The following OR8J3 variants were observed in gnomAD, a reference collection of about 807,000 sequenced individuals.
OR8J3 encodes the protein olfactory receptor 8J3.
For missense variants in OR8J3, 418 were observed against 379.8 expected (o/e 1.10, Z -0.84); for synonymous variants, 170 against 142.6 (o/e 1.19, Z -1.37).
Position 56,136,930 on chromosome 11 carries a change from T to C in OR8J3, c.789A>G (p.Gln263=), listed in dbSNP as rs1404216853. ...GTMLFMYLQP[Q]TNHSLDTDKM... ...TATCAGTATCCAGTGAGTGGTTGGT[T>C]TGGGGCTGCAAATACATAAATAGCA... The change falls in exon 2 of 2, where the codon CAA becomes CAG. Residue 263 remains glutamine, a synonymous_variant. Coordinates refer to ENST00000642058, the MANE Select transcript of OR8J3 (RefSeq NM_001004064.2). 87 of 1,613,990 alleles carry C rather than the reference T, an allele frequency of 5.4e-5. No individual in the cohort carries two copies. The highest frequency in any genetic ancestry group is 7.3e-5 in the Non-Finnish European group (86 of 1,180,008).
Position 56,137,080 on chromosome 11 carries a change from T to C in OR8J3, c.639A>G (p.Thr213=). ...CAATATTGAAATAAGATACTAGAAC[T>C]GTAATCATGGAAAAAACCAAATTTG... The part of the protein sequence containing the change: ...AATNLVFSMI[T]VLVSYFNIVL... Residue 213 remains threonine, a synonymous_variant, in exon 2 of 2, where the codon ACA becomes ACG. Coordinates refer to ENST00000642058, the MANE Select transcript of OR8J3 (RefSeq NM_001004064.2). The C allele has an allele frequency of 1.2e-6, 2 of 1,613,686 alleles. No homozygotes were observed. The highest frequency in any genetic ancestry group is 8.5e-7 in the Non-Finnish European group (1 of 1,179,930).
Position 56,137,412 on chromosome 11 carries a change from C to T in OR8J3, c.307G>A (p.Gly103Arg), listed in dbSNP as rs377352527. 3 of 1,614,182 alleles carry T rather than the reference C, an allele frequency of 1.9e-6. No homozygotes were observed. The highest frequency in any genetic ancestry group is 2.5e-6 in the Non-Finnish European group (3 of 1,180,032). ...SFYECATQLGGFLFFIVSEVM... is the reference protein window; with the variant it reads ...SFYECATQLGRFLFFIVSEVM... ...TCCGATACAATAAAGAACAAGAACC[C>T]TCCCAGTTGGGTGGCACATTCATAG... is the stretch of plus-strand genomic sequence containing the variant. Residue 103 changes from glycine to arginine, a missense_variant, in exon 2 of 2, where the codon GGG (glycine) becomes AGG (arginine). Transcript: ENST00000642058.
rs1198936474 is a variant in OR8J3, at chr11:56,136,668, C to T, written c.*103G>A. ...TTAATTCAATGATCTTTAAATCTTA[C>T]CTCTTGGTAATTCTTAGGATTGCTT... is the stretch of plus-strand genomic sequence containing the variant. On this transcript the variant is annotated 3_prime_UTR_variant, in exon 2 of 2. Transcript: ENST00000642058. The T allele has an allele frequency of 1.7e-6, 1 of 589,114 alleles. No individual in the cohort carries two copies. The highest frequency in any genetic ancestry group is 3.1e-5 in the East Asian group (1 of 32,576). The allele number at this position is 589,114 out of a possible 1,614,324, so 36.5% of individuals were successfully genotyped here. A position where few individuals can be genotyped will look rare whatever the true frequency, so the allele number is the denominator to read the frequency against.
Position 56,135,674 on chromosome 11 carries a change from C to T in OR8J3, c.*1097G>A, listed in dbSNP as rs539575715. ...TTGGTCCTTTAGTCCTGAAGGAACT[C>T]TTTAACACAAGAACCTACTTACAAG... On this transcript the variant is annotated 3_prime_UTR_variant, in exon 2 of 2. Transcript: ENST00000642058. 2.0e-4 allele frequency: 30 copies of T among 151,900 alleles called. No homozygotes were observed. The highest frequency in any genetic ancestry group is 4.0e-4 in the Non-Finnish European group (27 of 67,858). 9.4% of individuals were successfully genotyped at this position (151,900 alleles called of 1,614,324 possible).
Position 56,136,816 on chromosome 11 carries a change from T to G in OR8J3, c.903A>C (p.Leu301Phe). The G allele has an allele frequency of 6.2e-7, 1 of 1,602,436 alleles. No homozygotes were observed. Among genetic ancestry groups the G allele is most frequent in the Non-Finnish European group, 8.5e-7 (1 of 1,176,356 alleles). The change falls in exon 2 of 2, where the codon TTA becomes TTC. Residue 301 changes from leucine to phenylalanine, a missense_variant. By Grantham distance (22) the Leu-to-Phe change is conservative. Transcript: ENST00000642058. ...SLRNNDVNVA[L>F]KKFMENPCYS... is the part of the protein sequence containing the mutation. The stretch of plus-strand genomic sequence containing the variant: ...AACATGGATTTTCCATGAATTTCTT[T>G]AAGGCAACATTTACATCATTATTCC...
At chr11:56,139,039 G>A (rs1267362103) in intron 1 of OR8J3, among the ~76,000 whole-genome samples, 2 of 151,894 alleles carry the variant, frequency 1.3e-5, no homozygotes, top group Non-Finnish European at 2.9e-5. Flanking sequence ...GATTCAGCGT[G>A]CTATTTTAGT....
In OR8J3 at chr11:56,135,343, A is replaced by T. The variant is rs1011502307; in HGVS notation, c.*1428T>A. The T allele has an allele frequency of 5.3e-5, 8 of 151,950 alleles. No homozygotes were observed. Among genetic ancestry groups the T allele is most frequent in the Non-Finnish European group, 8.8e-5 (6 of 67,870 alleles). The allele number at this position is 151,950 out of a possible 1,614,324, so 9.4% of individuals were successfully genotyped here. A position where few individuals can be genotyped will look rare whatever the true frequency, so the allele number is the denominator to read the frequency against. ...ATGAATTTGGGACTGTGGAAAAGTG[A>T]TTATGTTACCTCAAAAATCTCATCT... On this transcript the variant is annotated 3_prime_UTR_variant, in exon 2 of 2. Coordinates refer to ENST00000642058, the MANE Select transcript of OR8J3 (RefSeq NM_001004064.2).
rs558157252 is a variant in OR8J3, at chr11:56,135,239, C to T, written c.*1532G>A. 1.1e-4 allele frequency: 16 copies of T among 149,298 alleles called. No individual in the cohort carries two copies. Among genetic ancestry groups the T allele is most frequent in the African/African-American group, 2.7e-4 (11 of 40,546 alleles). 9.2% of individuals were successfully genotyped at this position (149,298 alleles called of 1,614,324 possible). On this transcript the variant is annotated 3_prime_UTR_variant, in exon 2 of 2. Transcript: ENST00000642058. ...TTCAATAGAAGGCCTAACTAGAAAA[C>T]GTATTCAGTGGAATCCAAAGATGAC...
rs187302152 is a variant in OR8J3 at position 56,136,869 on chromosome 11, T to C, written c.850A>G (p.Met284Val). The change falls in exon 2 of 2, where the codon ATG becomes GTG. Residue 284 changes from methionine (M) to valine (V), a missense_variant. Coordinates refer to ENST00000642058, the MANE Select transcript of OR8J3 (RefSeq NM_001004064.2). Reference sequence around the variant, plus strand: ...AGGCTGTAGATCAAGGGATTCAGCATAGGAATCACCAATGTGTAAAACACA... The same window carrying C: ...AGGCTGTAGATCAAGGGATTCAGCACAGGAATCACCAATGTGTAAAACACA... ...ASVFYTLVIP[M>V]LNPLIYSLRN... The C allele has an allele frequency of 1.2e-5, 19 of 1,613,930 alleles. No homozygotes were observed. Among genetic ancestry groups the C allele is most frequent in the East Asian group, 8.9e-5 (4 of 44,856 alleles).
In OR8J3 at chr11:56,137,520, C is replaced by T. The variant is rs748080465; in HGVS notation, c.199G>A (p.Ala67Thr). The change falls in exon 2 of 2, where the codon GCT (alanine) becomes ACT (threonine). Residue 67 changes from alanine to threonine, a missense_variant. Ala to Thr is a moderately conservative substitution (Grantham distance 58). Transcript: ENST00000642058. The stretch of plus-strand genomic sequence containing the variant: ...GTAGAGTTGCCAAGATTGATGATAG[C>T]TAGATGTCTCAGGAAAAAGTACATG... The part of the protein sequence containing the change: ...NPMYFFLRHL[A>T]IINLGNSTVI... 1 of 1,614,194 alleles carries T rather than the reference C, an allele frequency of 6.2e-7. No homozygotes were observed. The highest frequency in any genetic ancestry group is 2.2e-5 in the East Asian group (1 of 44,876).
rs1590752749 is a variant in OR8J3 at position 56,135,969 on chromosome 11, A to T, written c.*802T>A. 1 of 152,062 alleles carries T rather than the reference A, an allele frequency of 6.6e-6. No individual in the cohort carries two copies. Among genetic ancestry groups the T allele is most frequent in the Admixed American group, 6.6e-5 (1 of 15,266 alleles). 9.4% of individuals were successfully genotyped at this position (152,062 alleles called of 1,614,324 possible). Reference sequence around the variant, plus strand: ...AAACTATCAGAAAAAAAGAACAAAAATTCAAAAAATATTTCTGATGATGTA... The same window carrying T: ...AAACTATCAGAAAAAAAGAACAAAATTTCAAAAAATATTTCTGATGATGTA... On this transcript the variant is annotated 3_prime_UTR_variant, in exon 2 of 2. Coordinates refer to ENST00000642058, the MANE Select transcript of OR8J3 (RefSeq NM_001004064.2).
intron 1 of OR8J3, among the ~76,000 whole-genome samples, chr11:56,139,458 T>G (rs1174076696): frequency 6.6e-6 from 1 of 152,190 alleles, no homozygotes. Context: ...ATTTTTCCTG[T>G]GGGTTCTGTG....
Position 56,135,961 on chromosome 11 carries a change from G to A in OR8J3, c.*810C>T, listed in dbSNP as rs573673680. 1 of 151,756 alleles carries A rather than the reference G, an allele frequency of 6.6e-6. No individual in the cohort carries two copies. The highest frequency in any genetic ancestry group is 2.4e-5 in the African/African-American group (1 of 41,442). The allele number at this position is 151,756 out of a possible 1,614,324, so 9.4% of individuals were successfully genotyped here. On this transcript the variant is annotated 3_prime_UTR_variant, in exon 2 of 2. Coordinates refer to ENST00000642058, the MANE Select transcript of OR8J3 (RefSeq NM_001004064.2). ...CTGATCAAAAACTATCAGAAAAAAA[G>A]AACAAAAATTCAAAAAATATTTCTG...
intron 1 of OR8J3, among the ~76,000 whole-genome samples, chr11:56,138,741 C>A (rs1411178932): frequency 6.6e-6 from 1 of 151,550 alleles, no homozygotes; most frequent in Admixed American, 6.6e-5. Flanking sequence ...TGTAATTCCT[C>A]AACATTATGC....
In OR8J3 at chr11:56,136,883, G is replaced by A; in HGVS notation, c.836C>T (p.Thr279Ile). Residue 279 changes from threonine (T) to isoleucine (I), a missense_variant, in exon 2 of 2, where the codon ACA (threonine) becomes ATA (isoleucine). Thr to Ile is a moderately conservative substitution (Grantham distance 89, BLOSUM62 -1). Coordinates refer to ENST00000642058, the MANE Select transcript of OR8J3 (RefSeq NM_001004064.2). Reference protein sequence around the residue: ...DTDKMASVFYTLVIPMLNPLI... With the variant: ...DTDKMASVFYILVIPMLNPLI... ...GGGATTCAGCATAGGAATCACCAAT[G>A]TGTAAAACACAGAAGCCATCTTATC... The A allele has an allele frequency of 6.2e-7, 1 of 1,613,926 alleles. No individual in the cohort carries two copies. The highest frequency in any genetic ancestry group is 2.2e-5 in the East Asian group (1 of 44,854).
rs2134684059 is a variant in OR8J3, at chr11:56,136,118, TG to T, written c.*652del. 6.6e-6 allele frequency: 1 copy of T among 152,160 alleles called. No individual in the cohort carries two copies. The highest frequency in any genetic ancestry group is 6.5e-5 in the Admixed American group (1 of 15,288). 9.4% of individuals were successfully genotyped at this position (152,160 alleles called of 1,614,324 possible). ...AAAAGGAAATTTTTATAAAATCTGA[TG>T]TTTACAAAGCAAACCCAGTATAAAA... On this transcript the variant is annotated 3_prime_UTR_variant, in exon 2 of 2. Coordinates refer to ENST00000642058, the MANE Select transcript of OR8J3 (RefSeq NM_001004064.2).
Position 56,138,115 on chromosome 11 carries a change from T to C in OR8J3, c.-397A>G, listed in dbSNP as rs1238122332. The C allele has an allele frequency of 5.6e-6, 1 of 178,736 alleles. No homozygotes were observed. Among genetic ancestry groups the C allele is most frequent in the African/African-American group, 2.4e-5 (1 of 42,022 alleles). The allele number at this position is 178,736 out of a possible 1,614,324, so 11.1% of individuals were successfully genotyped here. On this transcript the variant is annotated 5_prime_UTR_variant, in exon 2 of 2. Transcript: ENST00000642058. ...TAAGAAATTGTATATCGCCAAATAA[T>C]CCAATGGCTACTTGCAATTTCCTAA...
chr11:56,136,725 G>C lies in OR8J3; in HGVS notation c.*46C>G, dbSNP rs1300802731. On this transcript the variant is annotated 3_prime_UTR_variant, in exon 2 of 2. Coordinates refer to ENST00000642058, the MANE Select transcript of OR8J3 (RefSeq NM_001004064.2). The stretch of plus-strand genomic sequence containing the variant: ...TTACTTTTATTTCTCTTACATAATG[G>C]CAGGTTACATGAACTATCTCTTCAT... 1 of 996,486 alleles carries C rather than the reference G, an allele frequency of 1.0e-6. No homozygotes were observed. The highest frequency in any genetic ancestry group is 1.5e-6 in the Non-Finnish European group (1 of 679,196). The allele number at this position is 996,486 out of a possible 1,614,324, so 61.7% of individuals were successfully genotyped here. A position where few individuals can be genotyped will look rare whatever the true frequency, so the allele number is the denominator to read the frequency against.
chr11:56,139,267 A>G (rs1040761535), intron 1 of OR8J3, among the ~76,000 whole-genome samples: 12 of 152,196 alleles, frequency 7.9e-5, no homozygotes, highest in Admixed American at 7.2e-4. Flanking sequence ...AAAAGCCCAG[A>G]GCTATTCAGT....
Sources: allele counts gnomAD v4.1 joint callset (sites outside exome capture counted in the v4.1 genomes callset), GRCh38; gene constraint gnomAD v4.1.1; transcripts MANE v1.5; gene names NCBI Gene and HGNC (gene_info 2026-07-23, HGNC 2026-07-21).